SLC3A1: variants seen among roughly 807,000 people sequenced by gnomAD.
SLC3A1 encodes solute carrier family 3 member 1, also known as amino acid transporter heavy chain SLC3A1.
In SLC3A1, 78 loss-of-function variants were observed where a neutral mutation model predicts 60.3. That is an observed-to-expected ratio of 1.29 (90% CI 1.08 to 1.56). The LOEUF (loss-of-function observed/expected upper bound fraction) is 1.56. SLC3A1 is among the 40% of genes most tolerant of loss of function. The pLI, the probability that SLC3A1 is intolerant of heterozygous loss-of-function variation, is 0.00. For synonymous variants in SLC3A1, 392 were observed against 307.9 expected, an observed-to-expected ratio of 1.27 and a Z score of -2.86; for missense variants, 1,172 against 858.9, an observed-to-expected ratio of 1.36 and a Z score of -4.56.
chr2:44,299,570 TTTTC>T (rs1178841413), intron 4 of SLC3A1, among the ~76,000 whole-genome samples: 4 of 152,236 alleles, frequency 2.6e-5, no homozygotes, highest in African/African-American at 7.2e-5. Flanking sequence ...CAATGTGTTA[TTTTC>T]TTTGAGTTTG....
intron 4 of SLC3A1, among the ~76,000 whole-genome samples, chr2:44,287,714 GC>G (rs1422737956): frequency 6.6e-6 from 1 of 152,116 alleles, no homozygotes; most frequent in Non-Finnish European, 1.5e-5. Context: ...TCTTGTTCTT[GC>G]TGCTCCTATG....
intron 9 of SLC3A1, among the ~76,000 whole-genome samples, chr2:44,317,133 A>T (rs978979272): frequency 2.0e-5 from 3 of 152,182 alleles, no homozygotes; most frequent in African/African-American, 7.2e-5. Context: ...TTCAGTAGCC[A>T]TTAACCACTG....
intron 3 of SLC3A1, among the ~76,000 whole-genome samples, chr2:44,282,498 C>T (rs1247085656): frequency 2.0e-5 from 3 of 152,120 alleles, no homozygotes; most frequent in Non-Finnish European, 4.4e-5. Context: ...CCTACTCACT[C>T]CTTTTACAAC....
At chr2:44,314,921 G>GAT (rs1672389444) in intron 9 of SLC3A1, 1 of 101,150 alleles carries the variant, frequency 9.9e-6, no homozygotes, top group Non-Finnish European at 2.0e-5. Context: ...TTAAAACAGT[G>GAT]ATTTTTTTTT....
At chr2:44,311,719 A>G (rs371681284) in intron 7 of SLC3A1, among the ~76,000 whole-genome samples, 25 of 72,534 alleles carry the variant, frequency 3.4e-4, no homozygotes, top group African/African-American at 1.4e-3. Flanking sequence ...ACAGCTAAGG[A>G]AGTTAAAAAA....
chr2:44,281,492 G>T lies in SLC3A1; in HGVS notation c.716G>T (p.Trp239Leu). ...GGAAAATATACTGATTATTATATCT[G>T]GCATGACTGTACCCATGAAAATGGC... ...RTGKYTDYYI[W>L]HDCTHENGKT... The change falls in exon 3 of 10, where the codon TGG becomes TTG. Residue 239 changes from tryptophan (W) to leucine (L), a missense_variant. By Grantham distance (61) the Trp-to-Leu change is moderately conservative. Transcript: ENST00000260649. 1 of 1,613,748 alleles carries T rather than the reference G, an allele frequency of 6.2e-7. No individual in the cohort carries two copies. Among genetic ancestry groups the T allele is most frequent in the Non-Finnish European group, 8.5e-7 (1 of 1,179,750 alleles).
intron 6 of SLC3A1, chr2:44,301,337 G>A (rs920343981): frequency 6.0e-6 from 4 of 667,850 alleles, no homozygotes; most frequent in African/African-American, 3.6e-5. Context: ...TTTGTAAAAT[G>A]ATGCAGATCA....
chr2:44,291,912 C>G (rs1671747604), intron 4 of SLC3A1, among the ~76,000 whole-genome samples: 1 of 152,288 alleles, frequency 6.6e-6, no homozygotes, highest in Non-Finnish European at 1.5e-5. Flanking sequence ...CATCAGGGGA[C>G]TTGGCTCTGC....
chr2:44,278,241 G>A (rs1198814349), intron 1 of SLC3A1, among the ~76,000 whole-genome samples: 4 of 151,792 alleles, frequency 2.6e-5, no homozygotes, highest in African/African-American at 9.7e-5. Flanking sequence ...TCAGGAGATT[G>A]AGACCATCCT....
At chr2:44,279,491 T>C (rs1470193603) in intron 1 of SLC3A1, among the ~76,000 whole-genome samples, 1 of 152,174 alleles carries the variant, frequency 6.6e-6, no homozygotes, top group African/African-American at 2.4e-5. Flanking sequence ...TAAAGCACTT[T>C]CTGCAGCTCT....
Position 44,312,598 on chromosome 2 carries a change from G to C in SLC3A1, c.1345G>C (p.Asp449His). 1.9e-6 allele frequency: 3 copies of C among 1,613,902 alleles called. No homozygotes were observed. The highest frequency in any genetic ancestry group is 2.5e-6 in the Non-Finnish European group (3 of 1,179,802). ...KWPNWMIGGP[D>H]SSRLTSRLGN... Reference sequence around the variant, plus strand: ...ATCTGCCTTTCAGATTGGTGGACCAGACAGTTCACGGCTGACTTCGCGTTT... The same window carrying C: ...ATCTGCCTTTCAGATTGGTGGACCACACAGTTCACGGCTGACTTCGCGTTT... Residue 449 changes from aspartate to histidine, a missense_variant, in exon 8 of 10, where the codon GAC (aspartate) becomes CAC (histidine). Asp to His is a moderately conservative substitution (Grantham distance 81). Coordinates refer to ENST00000260649, the MANE Select transcript of SLC3A1 (RefSeq NM_000341.4).
In SLC3A1 at chr2:44,280,745, G is replaced by A. The variant is rs766140035; in HGVS notation, c.460G>A (p.Ala154Thr). 6.2e-6 allele frequency: 10 copies of A among 1,610,896 alleles called. No individual in the cohort carries two copies. The East Asian group carries it at 2.2e-4, about 36-fold the overall frequency. ...GIQDKLDYIT[A>T]LNIKTVWITS... is the part of the protein sequence containing the mutation. The stretch of plus-strand genomic sequence containing the variant: ...TCAAGATAAACTGGACTACATCACA[G>A]CTTTAAATATAAAAACTGTTTGGAT... Residue 154 changes from alanine (A) to threonine (T), a missense_variant, in exon 2 of 10, where the codon GCT (alanine) becomes ACT (threonine). Ala to Thr is a moderately conservative substitution (Grantham distance 58). Coordinates refer to ENST00000260649, the MANE Select transcript of SLC3A1 (RefSeq NM_000341.4).
At chr2:44,317,723 C>G (rs1276639762) in intron 9 of SLC3A1, 1 of 151,734 alleles carries the variant, frequency 6.6e-6, no homozygotes, top group Non-Finnish European at 1.5e-5. Context: ...TCAAAGAATA[C>G]TAGAAGAAAA....
downstream of SLC3A1, chr2:44,321,713 G>T (rs748647880): frequency 2.5e-6 from 4 of 1,592,550 alleles, no homozygotes; most frequent in African/African-American, 1.3e-5. Flanking sequence ...CTCACCCATA[G>T]ATAGGACATT....
intron 5 of SLC3A1, among the ~76,000 whole-genome samples, chr2:44,300,328 G>T (rs1671971659): frequency 1.3e-5 from 2 of 152,166 alleles, no homozygotes; most frequent in South Asian, 4.1e-4. Flanking sequence ...AGTGACAAGG[G>T]TTCTGAAGAC....
chr2:44,321,666 C>A (rs1393132571), downstream of SLC3A1: 2 of 1,530,204 alleles, frequency 1.3e-6, no homozygotes, highest in South Asian at 1.3e-5. Flanking sequence ...AGACATTTCT[C>A]TTGATTGACA....
chr2:44,307,594 T>A (rs1014904614), intron 7 of SLC3A1, among the ~76,000 whole-genome samples: 9 of 150,050 alleles, frequency 6.0e-5, no homozygotes, highest in African/African-American at 2.2e-4. Context: ...ATTTCCCTGA[T>A]GGCTAATTTT....
intron 7 of SLC3A1, among the ~76,000 whole-genome samples, chr2:44,306,691 T>C (rs1672166738): frequency 6.6e-6 from 1 of 151,514 alleles, no homozygotes; most frequent in Non-Finnish European, 1.5e-5. Flanking sequence ...GTAGCTGGGA[T>C]TACAGGTGCC....
intron 4 of SLC3A1, among the ~76,000 whole-genome samples, chr2:44,292,167 A>G (rs1368429280): frequency 2.0e-5 from 3 of 151,966 alleles, no homozygotes; most frequent in Non-Finnish European, 1.5e-5. Context: ...TGGGGTTTGG[A>G]GTGATCCTAC....
Sources: gnomAD v4.1 joint callset for allele counts (sites outside exome capture counted in the v4.1 genomes callset) on GRCh38, gnomAD v4.1.1 for gene constraint, MANE v1.5 for transcripts, NCBI Gene and HGNC (gene_info 2026-07-23, HGNC 2026-07-21) for gene names.